The following FAM13A variants were observed in gnomAD, a reference collection of about 807,000 sequenced individuals.
The protein encoded by FAM13A is protein FAM13A.
Under a neutral mutation model 129.6 loss-of-function variants are expected in FAM13A, and 76 were observed. That is an observed-to-expected ratio of 0.59 (90% CI 0.49 to 0.71). The LOEUF (loss-of-function observed/expected upper bound fraction) is 0.71, where lower values mean the gene tolerates loss of function less well. Among genes scored for constraint, FAM13A ranks in the 30% least tolerant of loss-of-function variants. FAM13A has a pLI of 0.00. For missense variants in FAM13A, 1,108 were observed against 1,249.3 expected (o/e 0.89, Z 1.70); for synonymous variants, 443 against 449.9 (o/e 0.98, Z 0.20).
intron 7 of FAM13A, among the ~76,000 whole-genome samples, chr4:88,844,131 G>A (rs563995631): frequency 3.9e-4 from 59 of 152,310 alleles, no homozygotes; most frequent in African/African-American, 1.3e-3. Flanking sequence ...TACGGCAGCA[G>A]CAACTGAGTA....
chr4:88,946,696 C>CA (rs1553901491), intron 4 of FAM13A, among the ~76,000 whole-genome samples: 1 of 150,560 alleles, frequency 6.6e-6, no homozygotes, highest in East Asian at 1.9e-4. Flanking sequence ...TCTGGCTCAG[C>CA]TTTTTTTTTA....
At chr4:88,828,057 C>G (rs919205368) in intron 7 of FAM13A, among the ~76,000 whole-genome samples, 11 of 152,198 alleles carry the variant, frequency 7.2e-5, no homozygotes, top group Non-Finnish European at 1.2e-4. Context: ...TTCCCTCTGT[C>G]TGGAATATTT....
At chr4:88,876,876 C>T (rs1260036859) in intron 6 of FAM13A, among the ~76,000 whole-genome samples, 1 of 152,222 alleles carries the variant, frequency 6.6e-6, no homozygotes, top group Non-Finnish European at 1.5e-5. Flanking sequence ...CAGGCGTGAG[C>T]CACCGCGCCC....
At chr4:88,957,095 G>A (rs925706295) in intron 4 of FAM13A, among the ~76,000 whole-genome samples, 1 of 152,214 alleles carries the variant, frequency 6.6e-6, no homozygotes, top group African/African-American at 2.4e-5. Context: ...AAAGGCTGAG[G>A]TGGGCAGATT....
rs1771295752 is a variant in FAM13A at position 89,049,666 on chromosome 4, T to C, written c.27+7272A>G. ...TGAGTTCTATTGTATTACTATTTTG[T>C]TTTGTTTTGAGATGGAGTCTTGCAC... On this transcript the variant is annotated intron_variant, in intron 1 of 23. Transcript: ENST00000264344. 1.3e-5 allele frequency among the ~76,000 whole-genome samples: 2 copies of C among 152,318 alleles called. 1 individual carries two copies. The highest frequency in any genetic ancestry group is 4.1e-4 in the South Asian group (2 of 4,832).
At chr4:88,783,509 G>A (rs986378085) in intron 10 of FAM13A, among the ~76,000 whole-genome samples, 1 of 152,066 alleles carries the variant, frequency 6.6e-6, no homozygotes, top group African/African-American at 2.4e-5. Flanking sequence ...ATATTGGCCA[G>A]GCTCTTCTCA....
chr4:89,019,547 G>C (rs1436834460), intron 3 of FAM13A, among the ~76,000 whole-genome samples: 1 of 151,950 alleles, frequency 6.6e-6, no homozygotes. Context: ...AATCACCTGA[G>C]GTCAGGAGTT....
chr4:88,941,665 TC>T (rs1353775208), intron 4 of FAM13A, among the ~76,000 whole-genome samples: 1 of 152,180 alleles, frequency 6.6e-6, no homozygotes. Context: ...GCTGCTAACC[TC>T]CCCTTTAAGT....
intron 14 of FAM13A, 107 bp downstream of exon 14, chr4:88,758,647 T>G (rs943414234): frequency 1.8e-6 from 2 of 1,135,860 alleles, no homozygotes; most frequent in Non-Finnish European, 2.5e-6. Flanking sequence ...TACTTCTGCA[T>G]GCATAGCTCT....
intron 7 of FAM13A, among the ~76,000 whole-genome samples, chr4:88,835,446 G>C (rs1734653790): frequency 6.6e-6 from 1 of 152,148 alleles, no homozygotes; most frequent in South Asian, 2.1e-4. Context: ...TGGTTTAATG[G>C]AGGACAACTT....
At chr4:88,920,750 T>C (rs191668300) in intron 5 of FAM13A, among the ~76,000 whole-genome samples, 1 of 152,122 alleles carries the variant, frequency 6.6e-6, no homozygotes, top group Non-Finnish European at 1.5e-5. Flanking sequence ...ATCAAACTAC[T>C]CCGAGCTACA....
intron 11 of FAM13A, among the ~76,000 whole-genome samples, chr4:88,770,313 A>G (rs954164605): frequency 1.3e-5 from 2 of 152,206 alleles, no homozygotes; most frequent in Non-Finnish European, 2.9e-5. Flanking sequence ...CTTTGTTCCC[A>G]TTGGTAATCT....
chr4:89,014,775 C>T (rs1766235248), intron 3 of FAM13A, among the ~76,000 whole-genome samples: 2 of 152,026 alleles, frequency 1.3e-5, no homozygotes, highest in Admixed American at 1.3e-4. Context: ...GGATGTATGT[C>T]GCCTCAGGAC....
intron 7 of FAM13A, among the ~76,000 whole-genome samples, chr4:88,834,055 ATTTT>A (rs922832858): frequency 2.4e-4 from 20 of 84,198 alleles, no homozygotes; most frequent in African/African-American, 8.2e-4. Context: ...AGGCCTGGCT[ATTTT>A]TTTTTTTTTT....
chr4:88,818,340 A>C (rs1283843679), intron 7 of FAM13A, among the ~76,000 whole-genome samples: 1 of 152,002 alleles, frequency 6.6e-6, no homozygotes, highest in African/African-American at 2.4e-5. Flanking sequence ...CCCTCATAAA[A>C]TAAGTACCTT....
At chr4:88,927,011 T>C (rs1752298968) in intron 5 of FAM13A, among the ~76,000 whole-genome samples, 1 of 152,288 alleles carries the variant, frequency 6.6e-6, no homozygotes, top group South Asian at 2.1e-4. Flanking sequence ...ACATTTTCTT[T>C]ATCCAATTCT....
At chr4:88,955,949 A>C (rs1168693656) in intron 4 of FAM13A, among the ~76,000 whole-genome samples, 1 of 152,240 alleles carries the variant, frequency 6.6e-6, no homozygotes, top group Non-Finnish European at 1.5e-5. Context: ...AACTTTGCAT[A>C]AGTAGCAAGG....
intron 13 of FAM13A, among the ~76,000 whole-genome samples, chr4:88,766,465 TGAA>T (rs1183002906): frequency 2.6e-5 from 4 of 152,108 alleles, no homozygotes; most frequent in South Asian, 2.1e-4. Flanking sequence ...AATTATCTGG[TGAA>T]GAAGTATATA....
intron 3 of FAM13A, among the ~76,000 whole-genome samples, chr4:88,998,172 C>A (rs1156967332): frequency 2.0e-5 from 3 of 152,118 alleles, no homozygotes; most frequent in Non-Finnish European, 4.4e-5. Flanking sequence ...GTAGAGGAAC[C>A]AGTTGAGCCC....
Sources: gnomAD v4.1 joint callset for allele counts (sites outside exome capture counted in the v4.1 genomes callset) on GRCh38, gnomAD v4.1.1 for gene constraint, MANE v1.5 for transcripts, NCBI Gene and HGNC (gene_info 2026-07-23, HGNC 2026-07-21) for gene names.